Variants in HNF4G observed in about 807,000 individuals in gnomAD.
The protein encoded by HNF4G is hepatocyte nuclear factor 4-gamma.
Under a neutral mutation model 50.9 loss-of-function variants are expected in HNF4G, and 21 were observed. That is an observed-to-expected ratio of 0.41 (90% CI 0.29 to 0.59). The LOEUF is 0.59. Ranked by LOEUF, HNF4G falls within the 20% of genes least tolerant of loss-of-function variation. HNF4G has a pLI of 0.26. For synonymous variants in HNF4G, 198 were observed against 185.6 expected (o/e 1.07, Z -0.54); for missense variants, 527 against 559.4 (o/e 0.94, Z 0.58).
At chr8:75,549,023 C>T (rs924548400) in intron 3 of HNF4G, among the ~76,000 whole-genome samples, 7 of 152,168 alleles carry the variant, frequency 4.6e-5, no homozygotes, top group Non-Finnish European at 1.0e-4. Context: ...TTGCCTTCCT[C>T]CATTTTTACT....
chr8:75,566,289 T>G lies in HNF4G; in HGVS notation c.*2193T>G, dbSNP rs1299717978. On this transcript the variant is annotated 3_prime_UTR_variant, in exon 10 of 10. Coordinates refer to ENST00000396423, the MANE Select transcript of HNF4G (RefSeq NM_004133.5). ...ACTAATTCTCATGACTGAATCACCC[T>G]CCAAAGGCCCCACCTCCTAATACCA... 6.6e-6 allele frequency: 1 copy of G among 152,158 alleles called. No individual in the cohort carries two copies. The highest frequency in any genetic ancestry group is 1.5e-5 in the Non-Finnish European group (1 of 68,034). The allele number at this position is 152,158 out of a possible 1,614,324, so 9.4% of individuals were successfully genotyped here. A position where few individuals can be genotyped will look rare whatever the true frequency, so the allele number is the denominator to read the frequency against.
At chr8:75,422,980 T>C (rs1810807468) in intron 1 of HNF4G, among the ~76,000 whole-genome samples, 1 of 152,186 alleles carries the variant, frequency 6.6e-6, no homozygotes, top group Admixed American at 6.5e-5. Flanking sequence ...TACAGATGGG[T>C]GTTACACAAC....
intron 2 of HNF4G, among the ~76,000 whole-genome samples, chr8:75,500,176 C>G (rs1812889367): frequency 6.6e-6 from 1 of 151,956 alleles, no homozygotes; most frequent in African/African-American, 2.4e-5. Flanking sequence ...ACTGCAGCAA[C>G]AATACAATGA....
intron 2 of HNF4G, among the ~76,000 whole-genome samples, chr8:75,544,785 G>T (rs1246429254): frequency 2.0e-5 from 3 of 151,898 alleles, no homozygotes; most frequent in Non-Finnish European, 4.4e-5. Flanking sequence ...AACAAAAATG[G>T]TTAAATTTAA....
At chr8:75,487,560 G>A (rs1349586913) in intron 1 of HNF4G, among the ~76,000 whole-genome samples, 1 of 152,062 alleles carries the variant, frequency 6.6e-6, no homozygotes, top group African/African-American at 2.4e-5. Context: ...TGACCCAAAA[G>A]TCTTCTTTTC....
At chr8:75,496,804 C>CTATATATA (rs71567120) in intron 2 of HNF4G, among the ~76,000 whole-genome samples, 17 of 148,282 alleles carry the variant, frequency 1.1e-4, no homozygotes, top group South Asian at 6.4e-4. Flanking sequence ...TACATTATTA[C>CTATATATA]TATATATATA....
chr8:75,528,701 C>T (rs1026930839), intron 2 of HNF4G, among the ~76,000 whole-genome samples: 1 of 151,924 alleles, frequency 6.6e-6, no homozygotes, highest in Non-Finnish European at 1.5e-5. Context: ...ACTTTGTTAC[C>T]TCTCTGTTTG....
intron 9 of HNF4G, among the ~76,000 whole-genome samples, 160 bp from the exon 10 acceptor site, chr8:75,563,815 C>T (rs773810739): frequency 1.5e-4 from 23 of 152,018 alleles, no homozygotes; most frequent in Non-Finnish European, 2.6e-4. Flanking sequence ...TCTAACAGTA[C>T]GTCATGGGCC....
At chr8:75,497,887 A>G (rs1812819752) in intron 2 of HNF4G, among the ~76,000 whole-genome samples, 1 of 152,128 alleles carries the variant, frequency 6.6e-6, no homozygotes, top group Non-Finnish European at 1.5e-5. Flanking sequence ...CAAAAAATGT[A>G]TAAACACTAC....
chr8:75,513,141 G>C (rs531706999), intron 2 of HNF4G, among the ~76,000 whole-genome samples: 33 of 151,972 alleles, frequency 2.2e-4, no homozygotes, highest in African/African-American at 7.5e-4. Context: ...GGCTTCAAGC[G>C]ATTCTCCTGC....
chr8:75,490,805 A>C (rs777172701), intron 2 of HNF4G, among the ~76,000 whole-genome samples: 1 of 152,230 alleles, frequency 6.6e-6, no homozygotes, highest in African/African-American at 2.4e-5. Context: ...CAATTTGAGC[A>C]GATTGCGATT....
At chr8:75,532,413 T>A (rs1806352998) in intron 2 of HNF4G, among the ~76,000 whole-genome samples, 2 of 152,082 alleles carry the variant, frequency 1.3e-5, no homozygotes, top group South Asian at 4.1e-4. Flanking sequence ...AGGGAAATGA[T>A]CTTAATACAT....
intron 8 of HNF4G, among the ~76,000 whole-genome samples, chr8:75,559,612 A>G (rs564294554): frequency 4.5e-4 from 68 of 152,084 alleles, no homozygotes; most frequent in Admixed American, 9.8e-4. Context: ...CCTCTATTCC[A>G]CAGTCCCTCT....
At chr8:75,528,478 G>A (rs1563541914) in intron 2 of HNF4G, among the ~76,000 whole-genome samples, 2 of 152,204 alleles carry the variant, frequency 1.3e-5, no homozygotes, top group East Asian at 3.9e-4. Flanking sequence ...AGGAATAAAA[G>A]GCATTTTTAG....
intron 6 of HNF4G, among the ~76,000 whole-genome samples, chr8:75,557,453 C>G (rs1807164845): frequency 6.6e-6 from 1 of 152,104 alleles, no homozygotes; most frequent in African/African-American, 2.4e-5. Context: ...AACCTCGTCT[C>G]TACTAAAAAT....
rs202177533 is a variant in HNF4G, at chr8:75,434,707, T to C, written c.-144+26545T>C. Among the ~76,000 whole-genome samples, 151 of 132,914 alleles carry C rather than the reference T, an allele frequency of 1.1e-3. 1 individual carries two copies. The highest frequency in any genetic ancestry group is 4.2e-3 in the African/African-American group (130 of 30,982). The allele number at this position is 132,914 out of a possible 152,430, so 87.2% of individuals were successfully genotyped here. On this transcript the variant is annotated intron_variant, in intron 1 of 10. Transcript: ENST00000354370. ...ACACACACACACACACACACACACA[T>C]ACACAAATCAGGTAAGAAAAGTGGG... is the stretch of plus-strand genomic sequence containing the variant.
intron 9 of HNF4G, among the ~76,000 whole-genome samples, chr8:75,562,311 T>C (rs1397867866): frequency 1.3e-5 from 2 of 152,020 alleles, no homozygotes; most frequent in African/African-American, 4.8e-5. Context: ...CAAAATTATT[T>C]GAATATATGA....
chr8:75,563,562 T>C (rs989727027), intron 9 of HNF4G, among the ~76,000 whole-genome samples: 1 of 152,154 alleles, frequency 6.6e-6, no homozygotes, highest in Non-Finnish European at 1.5e-5. Context: ...AAACCAAATA[T>C]ATTTTTATTT....
chr8:75,434,834 C>T lies in HNF4G; in HGVS notation c.-144+26672C>T, dbSNP rs542005052. Among the ~76,000 whole-genome samples the T allele has an allele frequency of 1.8e-3, 276 of 152,104 alleles. 1 individual carries two copies. Among genetic ancestry groups the T allele is most frequent in the African/African-American group, 6.4e-3 (265 of 41,520 alleles). ...ACATTTAAAATAGTAGTTGTATCCA[C>T]AAAAATATAATTTCTCAAAAATAAC... On this transcript the variant is annotated intron_variant, in intron 1 of 10. Coordinates refer to the HNF4G transcript ENST00000354370.
Sources: gnomAD v4.1 joint callset for allele counts (sites outside exome capture counted in the v4.1 genomes callset) on GRCh38, gnomAD v4.1.1 for gene constraint, MANE v1.5 for transcripts, NCBI Gene and HGNC (gene_info 2026-07-23, HGNC 2026-07-21) for gene names.